Variants in TMC1 observed in about 807,000 individuals in gnomAD.
The protein encoded by TMC1 is transmembrane channel like 1.
A neutral mutation model predicts 105.8 loss-of-function variants in TMC1; 84 were observed. The observed-to-expected ratio is 0.79, with a 90% CI of 0.67 to 0.95. The LOEUF (loss-of-function observed/expected upper bound fraction) is 0.95. Ranked by LOEUF, TMC1 falls within the 40% of genes least tolerant of loss-of-function variation. The pLI is 0.00. For synonymous variants in TMC1, 315 were observed against 311.5 expected, an observed-to-expected ratio of 1.01 and a Z score of -0.12; for missense variants, 817 against 914.1, an observed-to-expected ratio of 0.89 and a Z score of 1.37.
chr9:72,772,353 TC>T, intron 12 of TMC1, 59 bp from the exon 13 acceptor site: 1 of 1,607,858 alleles, frequency 6.2e-7, no homozygotes, highest in East Asian at 2.2e-5. Flanking sequence ...TAAGAGTTGA[TC>T]TTTTCCTTTG....
chr9:72,549,908 G>A (rs750278176), intron 1 of TMC1, among the ~76,000 whole-genome samples: 2 of 151,486 alleles, frequency 1.3e-5, no homozygotes, highest in African/African-American at 2.4e-5. Flanking sequence ...CACCGAGCCC[G>A]GCCTAATTTT....
chr9:72,617,561 G>A (rs1364414595), intron 3 of TMC1, among the ~76,000 whole-genome samples: 1 of 152,148 alleles, frequency 6.6e-6, no homozygotes, highest in Non-Finnish European at 1.5e-5. Context: ...AATGGCATAA[G>A]ACCACTGTGA....
intron 17 of TMC1, among the ~76,000 whole-genome samples, chr9:72,799,325 T>G (rs546402781): frequency 1.3e-5 from 2 of 152,226 alleles, no homozygotes; most frequent in African/African-American, 4.8e-5. Context: ...ACTGCATTAT[T>G]TGGTAAGATA....
At chr9:72,809,414 G>C (rs976218995) in intron 18 of TMC1, among the ~76,000 whole-genome samples, 14 of 152,152 alleles carry the variant, frequency 9.2e-5, no homozygotes, top group Non-Finnish European at 4.4e-5. Context: ...AGCTCTGTCA[G>C]AATCAAAACA....
chr9:72,825,436 G>A (rs75905765), intron 20 of TMC1, among the ~76,000 whole-genome samples: 2,277 of 152,278 alleles, frequency 0.015, 25 homozygotes, highest in Middle Eastern at 0.044. Flanking sequence ...TAATTTGTAC[G>A]TAATTAAGAT....
At chr9:72,645,122 T>C (rs77766706) in intron 4 of TMC1, among the ~76,000 whole-genome samples, 3 of 152,248 alleles carry the variant, frequency 2.0e-5, no homozygotes, top group East Asian at 1.9e-4. Context: ...CATTAATTGA[T>C]AGGAAAAAAA....
chr9:72,531,386 A>C (rs1385523066), intron 1 of TMC1, among the ~76,000 whole-genome samples: 1 of 152,220 alleles, frequency 6.6e-6, no homozygotes, highest in Non-Finnish European at 1.5e-5. Flanking sequence ...AAATCATATG[A>C]AGCCTAGACT....
intron 12 of TMC1, among the ~76,000 whole-genome samples, chr9:72,757,914 G>T (rs945426953): frequency 6.6e-6 from 1 of 152,072 alleles, no homozygotes; most frequent in Non-Finnish European, 1.5e-5. Flanking sequence ...TAATGTATGT[G>T]GATAGTGGCA....
chr9:72,582,001 A>G (rs1216905178), intron 2 of TMC1, among the ~76,000 whole-genome samples: 7 of 152,094 alleles, frequency 4.6e-5, no homozygotes, highest in Non-Finnish European at 1.0e-4. Flanking sequence ...CTTGTTGCTC[A>G]GGATGAAGTG....
chr9:72,747,385 G>C (rs1251596907), intron 10 of TMC1, among the ~76,000 whole-genome samples: 1 of 152,050 alleles, frequency 6.6e-6, no homozygotes, highest in Non-Finnish European at 1.5e-5. Flanking sequence ...TTATCTGCTT[G>C]TCTTATTACC....
At chr9:72,699,905 C>T (rs1011489484) in intron 7 of TMC1, among the ~76,000 whole-genome samples, 4 of 134,758 alleles carry the variant, frequency 3.0e-5, no homozygotes, top group South Asian at 2.3e-4. Flanking sequence ...TGCAGTGAGC[C>T]GAGATTGTCC....
intron 1 of TMC1, among the ~76,000 whole-genome samples, chr9:72,522,159 T>TTTTGTTTTG (rs1464439888): frequency 2.6e-5 from 4 of 151,780 alleles, no homozygotes; most frequent in East Asian, 1.9e-4. Flanking sequence ...GATAAGTTTT[T>TTTTGTTTTG]TTTTTTTTGA....
chr9:72,596,386 G>A (rs1410313538), intron 2 of TMC1, among the ~76,000 whole-genome samples: 2 of 152,022 alleles, frequency 1.3e-5, no homozygotes, highest in Non-Finnish European at 2.9e-5. Context: ...TATTTCTACT[G>A]TTAAATCCAT....
chr9:72,791,870 T>G lies in TMC1; in HGVS notation c.1225-16T>G. ...AAACACCATTAACCTAGTTTCTCCC[T>G]TGTGCCTCCTTGTAGATGAACATGG... On this transcript the variant is annotated splice_polypyrimidine_tract_variant and intron_variant, in intron 15 of 23. Transcript: ENST00000297784. 6.2e-7 allele frequency: 1 copy of G among 1,609,080 alleles called. No individual in the cohort carries two copies. Among genetic ancestry groups the G allele is most frequent in the Non-Finnish European group, 8.5e-7 (1 of 1,177,484 alleles).
intron 15 of TMC1, 39 bp downstream of exon 15, chr9:72,789,356 C>T (rs757495360): frequency 1.3e-6 from 2 of 1,590,490 alleles, no homozygotes; most frequent in South Asian, 2.2e-5. Context: ...TAGAACCTGA[C>T]ATTTGTTTCT....
intron 18 of TMC1, among the ~76,000 whole-genome samples, chr9:72,808,227 A>T (rs7042265): frequency 0.067 from 10,221 of 152,182 alleles, 396 homozygotes; most frequent in African/African-American, 0.1. Flanking sequence ...TAAAGTTCAC[A>T]TGGGCTTCTT....
At chr9:72,643,874 C>G (rs1246449751) in intron 4 of TMC1, among the ~76,000 whole-genome samples, 1 of 152,088 alleles carries the variant, frequency 6.6e-6, no homozygotes, top group East Asian at 1.9e-4. Context: ...AAGTGTGTAC[C>G]ATTTTACATT....
At chr9:72,807,000 G>A (rs552121732) in intron 18 of TMC1, among the ~76,000 whole-genome samples, 2 of 152,340 alleles carry the variant, frequency 1.3e-5, no homozygotes, top group South Asian at 2.1e-4. Context: ...ACGAGACTCC[G>A]TCTGCAATCC....
intron 8 of TMC1, among the ~76,000 whole-genome samples, chr9:72,708,519 T>TC (rs56368177): frequency 4.6e-5 from 7 of 152,028 alleles, no homozygotes; most frequent in South Asian, 2.1e-4. Flanking sequence ...TTTTTTTTTT[T>TC]CCTGTGGCTA....
Sources: gnomAD v4.1 joint callset for allele counts (sites outside exome capture counted in the v4.1 genomes callset) on GRCh38, gnomAD v4.1.1 for gene constraint, MANE v1.5 for transcripts, NCBI Gene and HGNC (gene_info 2026-07-23, HGNC 2026-07-21) for gene names.